The following LMBR1 variants were observed in gnomAD, a reference collection of about 807,000 sequenced individuals.
The protein encoded by LMBR1 is limb development membrane protein 1.
Under a neutral mutation model 73.9 loss-of-function variants are expected in LMBR1, and 52 were observed. That is an observed-to-expected ratio of 0.70 (90% CI 0.56 to 0.89). The LOEUF (loss-of-function observed/expected upper bound fraction) is 0.89, where lower values mean the gene tolerates loss of function less well. Ranked by LOEUF, LMBR1 falls within the 40% of genes least tolerant of loss-of-function variation. LMBR1 has a pLI of 0.00. For missense variants in LMBR1, 539 were observed against 579.8 expected (o/e 0.93, Z 0.72); for synonymous variants, 215 against 209.4 (o/e 1.03, Z -0.23).
intron 5 of LMBR1, among the ~76,000 whole-genome samples, chr7:156,783,873 A>G (rs998960657): frequency 1.3e-5 from 2 of 152,168 alleles, no homozygotes; most frequent in Non-Finnish European, 2.9e-5. Flanking sequence ...CATCAACTTC[A>G]TCATCAAAGT....
intron 10 of LMBR1, among the ~76,000 whole-genome samples, chr7:156,729,125 C>T (rs952555488): frequency 1.3e-5 from 2 of 152,080 alleles, no homozygotes; most frequent in Non-Finnish European, 1.5e-5. Context: ...ATTACAGGCA[C>T]GAACTACGAT....
intron 9 of LMBR1, among the ~76,000 whole-genome samples, chr7:156,753,535 A>T (rs1436623355): frequency 6.6e-6 from 1 of 152,094 alleles, no homozygotes; most frequent in Non-Finnish European, 1.5e-5. Flanking sequence ...TCATGAGTTA[A>T]TTCTCAGTTC....
At chr7:156,859,121 C>T (rs1321790232) in intron 1 of LMBR1, among the ~76,000 whole-genome samples, 3 of 151,892 alleles carry the variant, frequency 2.0e-5, no homozygotes, top group African/African-American at 4.8e-5. Context: ...GGTGTGGTGG[C>T]GCATGCCTGT....
At chr7:156,736,574 T>C (rs531837881) in intron 9 of LMBR1, 16 of 457,092 alleles carry the variant, frequency 3.5e-5, no homozygotes, top group African/African-American at 3.2e-4. Context: ...GGCACTTGTC[T>C]TCCTGTTGCA....
chr7:156,862,569 G>T (rs1238956120), intron 1 of LMBR1, among the ~76,000 whole-genome samples: 1 of 151,612 alleles, frequency 6.6e-6, no homozygotes, highest in Non-Finnish European at 1.5e-5. Flanking sequence ...CATGATCCAT[G>T]AAAGAAAAAG....
intron 1 of LMBR1, among the ~76,000 whole-genome samples, chr7:156,842,723 G>A (rs1439769144): frequency 6.6e-6 from 1 of 152,132 alleles, no homozygotes; most frequent in African/African-American, 2.4e-5. Context: ...AGAAATAAGA[G>A]TCAAGGTAAG....
Position 156,776,968 on chromosome 7 carries a change from G to A in LMBR1, c.424-13173C>T, listed in dbSNP as rs1015409905. 2.0e-5 allele frequency among the ~76,000 whole-genome samples: 3 copies of A among 147,020 alleles called. No individual in the cohort carries two copies. The South Asian group carries it at 6.4e-4, about 31-fold the overall frequency. On this transcript the variant is annotated intron_variant, in intron 5 of 16. Coordinates refer to ENST00000353442, the MANE Select transcript of LMBR1 (RefSeq NM_022458.4). ...TTGGTTTTGAGATGGAATCTCGCCT[G>A]TCGCCCAGGCTGGAGCGCAGTGGCA...
chr7:156,748,801 T>C (rs1820314164), intron 9 of LMBR1, among the ~76,000 whole-genome samples: 1 of 152,084 alleles, frequency 6.6e-6, no homozygotes, highest in African/African-American at 2.4e-5. Flanking sequence ...TTTGGATCAT[T>C]TTTATAGAAT....
In LMBR1 at chr7:156,815,156, C is replaced by CAAA. The variant is rs10674367; in HGVS notation, c.319+11446_319+11448dup. Among the ~76,000 whole-genome samples, 264 of 84,246 alleles carry CAAA rather than the reference C, an allele frequency of 3.1e-3. 8 individuals carry two copies. Among genetic ancestry groups the CAAA allele is most frequent in the African/African-American group, 9.1e-3 (190 of 20,914 alleles). The allele number at this position is 84,246 out of a possible 152,430, so 55.3% of individuals were successfully genotyped here. A position where few individuals can be genotyped will look rare whatever the true frequency, so the allele number is the denominator to read the frequency against. ...AGGCAACAAGAGTGAAACTCCGTCT[C>CAAA]AAAAAAAAAAAAAAAAAAAGTACAA... On this transcript the variant is annotated intron_variant, in intron 4 of 16. Coordinates refer to ENST00000353442, the MANE Select transcript of LMBR1 (RefSeq NM_022458.4).
At chr7:156,799,555 C>G (rs964449482) in intron 4 of LMBR1, among the ~76,000 whole-genome samples, 1 of 143,084 alleles carries the variant, frequency 7.0e-6, no homozygotes, top group Non-Finnish European at 1.6e-5. Flanking sequence ...CTTGGCTGTT[C>G]CTTCATCTCT....
chr7:156,745,878 G>A (rs969447224), intron 9 of LMBR1, among the ~76,000 whole-genome samples: 3 of 152,196 alleles, frequency 2.0e-5, no homozygotes, highest in African/African-American at 7.2e-5. Flanking sequence ...GAGTTCATGA[G>A]TTTTATCACT....
chr7:156,842,860 C>G (rs1838961420), intron 1 of LMBR1, among the ~76,000 whole-genome samples: 1 of 152,098 alleles, frequency 6.6e-6, no homozygotes, highest in African/African-American at 2.4e-5. Context: ...GTAGAGTCCC[C>G]AAGAAATACT....
intron 9 of LMBR1, among the ~76,000 whole-genome samples, chr7:156,754,202 C>T (rs189161744): frequency 6.6e-6 from 1 of 152,264 alleles, no homozygotes; most frequent in East Asian, 1.9e-4. Context: ...AGAACAAAAC[C>T]TCCCAATAGC....
chr7:156,703,244 T>C (rs963188786), intron 15 of LMBR1, among the ~76,000 whole-genome samples: 1 of 152,176 alleles, frequency 6.6e-6, no homozygotes, highest in Non-Finnish European at 1.5e-5. Context: ...CACCAACCAC[T>C]GGAGTTAGGG....
At position 156,788,288 on chromosome 7, in the gene LMBR1, T is replaced by A. The variant is rs147252723; in HGVS notation, c.423+8101A>T. 4.0e-3 allele frequency among the ~76,000 whole-genome samples: 602 copies of A among 152,178 alleles called. 4 individuals carry two copies. Among genetic ancestry groups the A allele is most frequent in the African/African-American group, 0.014 (577 of 41,524 alleles). ...CATTTCTTTAAAAGAAAAAAAACAG[T>A]TTTGATCAGCCAAATACAGGATCTA... On this transcript the variant is annotated intron_variant, in intron 5 of 16. Transcript: ENST00000353442.
At chr7:156,892,868 GGGGACGGAGGGCCCGGGCGGGCACGC>G (rs1803416059) in intron 1 of LMBR1, 34 bp downstream of exon 1, 3 of 1,302,882 alleles carry the variant, frequency 2.3e-6, no homozygotes, top group Middle Eastern at 2.7e-4. Context: ...GCCCGGGGGC[GGGGACGGAGGGCCCGGGCGGGCACGC>G]GGGACTGTCA....
chr7:156,760,463 A>G (rs1382512881), intron 8 of LMBR1, among the ~76,000 whole-genome samples: 1 of 152,234 alleles, frequency 6.6e-6, no homozygotes, highest in African/African-American at 2.4e-5. Flanking sequence ...GAGATGGTTT[A>G]GGAGCAGAGC....
chr7:156,812,746 C>G (rs1461644888), intron 4 of LMBR1, among the ~76,000 whole-genome samples: 1 of 152,136 alleles, frequency 6.6e-6, no homozygotes, highest in Non-Finnish European at 1.5e-5. Flanking sequence ...AAATGATATC[C>G]CATTAATTCT....
intron 1 of LMBR1, among the ~76,000 whole-genome samples, chr7:156,883,261 T>C (rs1186955665): frequency 1.3e-5 from 2 of 151,562 alleles, no homozygotes; most frequent in Non-Finnish European, 2.9e-5. Flanking sequence ...TAGCCAGGTG[T>C]GGTGGTGCAC....
Sources: gnomAD v4.1 joint callset for allele counts (sites outside exome capture counted in the v4.1 genomes callset) on GRCh38, gnomAD v4.1.1 for gene constraint, MANE v1.5 for transcripts, NCBI Gene and HGNC (gene_info 2026-07-23, HGNC 2026-07-21) for gene names.